The following CTNNA2 variants were observed in gnomAD, a reference collection of about 807,000 sequenced individuals.
CTNNA2 encodes catenin alpha 2.
Under a neutral mutation model 101.0 loss-of-function variants are expected in CTNNA2, and 42 were observed. The observed-to-expected ratio is 0.42, with a 90% CI of 0.32 to 0.54. The LOEUF is 0.54. CTNNA2 is among the 20% of genes least tolerant of loss of function. The pLI, the probability that CTNNA2 is intolerant of heterozygous loss-of-function variation, is 0.14. For missense variants in CTNNA2, 871 were observed against 1,223.1 expected, an observed-to-expected ratio of 0.71 and a Z score of 4.29; for synonymous variants, 450 against 456.4, an observed-to-expected ratio of 0.99 and a Z score of 0.18.
intron 2 of CTNNA2, among the ~76,000 whole-genome samples, chr2:79,742,890 T>A (rs895879552): frequency 6.6e-6 from 1 of 152,226 alleles, no homozygotes; most frequent in African/African-American, 2.4e-5. Context: ...TAATCACCTC[T>A]TAAGTATTGG....
chr2:80,544,463 G>A (rs2149628059), intron 9 of CTNNA2, among the ~76,000 whole-genome samples: 1 of 152,188 alleles, frequency 6.6e-6, no homozygotes, highest in South Asian at 2.1e-4. Flanking sequence ...GCTCATAACA[G>A]CTGGCCTCTA....
intron 2 of CTNNA2, among the ~76,000 whole-genome samples, chr2:79,679,263 T>C (rs887294525): frequency 1.3e-5 from 2 of 152,186 alleles, no homozygotes; most frequent in Admixed American, 1.3e-4. Context: ...CGGATGAATA[T>C]AAGGAATTTG....
intron 7 of CTNNA2, among the ~76,000 whole-genome samples, chr2:80,274,476 T>TC (rs1673741026): frequency 6.6e-6 from 1 of 152,212 alleles, no homozygotes; most frequent in Non-Finnish European, 1.5e-5. Context: ...TGACAACTGA[T>TC]CTTTCTGCCA....
intron 2 of CTNNA2, among the ~76,000 whole-genome samples, chr2:79,227,093 G>T (rs1674426300): frequency 6.6e-6 from 1 of 152,132 alleles, no homozygotes; most frequent in Admixed American, 6.5e-5. Flanking sequence ...ATCACATTCA[G>T]CAGTCTCTTG....
At chr2:79,299,493 G>A (rs929442877) in intron 2 of CTNNA2, among the ~76,000 whole-genome samples, 4 of 152,142 alleles carry the variant, frequency 2.6e-5, no homozygotes, top group African/African-American at 9.7e-5. Flanking sequence ...CTCCTTTCCC[G>A]ATTCTAAGAG....
At chr2:80,525,687 A>G (rs1244038710) in intron 9 of CTNNA2, among the ~76,000 whole-genome samples, 2 of 152,060 alleles carry the variant, frequency 1.3e-5, no homozygotes, top group Non-Finnish European at 2.9e-5. Context: ...GTTTTTCTGG[A>G]GGGGCCTTGA....
chr2:79,434,989 C>T (rs546621527), intron 4 of CTNNA2, among the ~76,000 whole-genome samples: 2 of 152,250 alleles, frequency 1.3e-5, no homozygotes, highest in South Asian at 2.1e-4. Flanking sequence ...ACCATTCTTT[C>T]ATCCCTACTG....
At chr2:79,224,907 T>C (rs1674388975) in intron 2 of CTNNA2, among the ~76,000 whole-genome samples, 2 of 151,896 alleles carry the variant, frequency 1.3e-5, no homozygotes, top group African/African-American at 4.8e-5. Flanking sequence ...ATATTTTTAA[T>C]CACATAAGGT....
intron 7 of CTNNA2, among the ~76,000 whole-genome samples, chr2:80,242,074 G>A (rs577365532): frequency 2.0e-5 from 3 of 152,240 alleles, no homozygotes; most frequent in Non-Finnish European, 4.4e-5. Flanking sequence ...CAAAATCACC[G>A]TGAAACTTCC....
chr2:79,442,879 G>A (rs1678791489), intron 4 of CTNNA2, among the ~76,000 whole-genome samples: 1 of 151,962 alleles, frequency 6.6e-6, no homozygotes, highest in Admixed American at 6.6e-5. Context: ...GTACTCCCTG[G>A]TTACCTCTCA....
intron 1 of CTNNA2, among the ~76,000 whole-genome samples, chr2:79,643,606 G>A (rs1680601783): frequency 6.6e-6 from 1 of 152,128 alleles, no homozygotes; most frequent in East Asian, 1.9e-4. Context: ...AACTTAGTAT[G>A]TGGTAACTTA....
At chr2:79,327,233 G>A (rs972484023) in intron 3 of CTNNA2, among the ~76,000 whole-genome samples, 3 of 152,246 alleles carry the variant, frequency 2.0e-5, no homozygotes, top group Admixed American at 6.5e-5. Flanking sequence ...AAAAAGTAAC[G>A]CTGGTGCCAG....
chr2:79,753,134 C>T (rs1043713250), intron 3 of CTNNA2, among the ~76,000 whole-genome samples: 3 of 145,194 alleles, frequency 2.1e-5, no homozygotes, highest in African/African-American at 5.1e-5. Flanking sequence ...GTGGATCTCC[C>T]GTACATTTTT....
chr2:79,659,731 T>G (rs1264106809), intron 2 of CTNNA2, among the ~76,000 whole-genome samples: 1 of 152,240 alleles, frequency 6.6e-6, no homozygotes, highest in African/African-American at 2.4e-5. Context: ...GAGCAGTGGC[T>G]CATGCCTGTA....
chr2:79,942,378 C>A (rs1288795512), intron 7 of CTNNA2, among the ~76,000 whole-genome samples: 1 of 152,180 alleles, frequency 6.6e-6, no homozygotes, highest in Admixed American at 6.5e-5. Flanking sequence ...GGCTGCCCAT[C>A]ATGCCTCTCT....
At chr2:79,619,769 C>A (rs17017350) in intron 1 of CTNNA2, among the ~76,000 whole-genome samples, 19,517 of 152,140 alleles carry the variant, frequency 0.13, 2,097 homozygotes, top group African/African-American at 0.3. Flanking sequence ...AAAGTAGATG[C>A]ATCTCATATG....
intron 7 of CTNNA2, among the ~76,000 whole-genome samples, chr2:79,964,521 A>C: frequency 6.6e-6 from 1 of 152,204 alleles, no homozygotes; most frequent in East Asian, 1.9e-4. Context: ...ATGTCATTAA[A>C]AGTTTGTTTT....
chr2:79,304,829 G>T (rs904097575), intron 2 of CTNNA2, among the ~76,000 whole-genome samples: 3 of 152,130 alleles, frequency 2.0e-5, no homozygotes, highest in Non-Finnish European at 4.4e-5. Context: ...TGGCACTTGG[G>T]CTCATAAAAG....
chr2:79,423,683 A>G (rs1678561641), intron 4 of CTNNA2, among the ~76,000 whole-genome samples: 2 of 152,178 alleles, frequency 1.3e-5, no homozygotes, highest in Admixed American at 1.3e-4. Context: ...GTGAGCTTTA[A>G]GATTGCAGAA....
Sources: allele counts gnomAD v4.1 joint callset (sites outside exome capture counted in the v4.1 genomes callset), GRCh38; gene constraint gnomAD v4.1.1; transcripts MANE v1.5; gene names NCBI Gene and HGNC (gene_info 2026-07-23, HGNC 2026-07-21).